Variants in SHROOM3 observed in about 807,000 individuals in gnomAD.
SHROOM3 encodes the protein shroom family member 3, also known as protein Shroom3.
Under a neutral mutation model 138.6 loss-of-function variants are expected in SHROOM3, and 47 were observed. That is an observed-to-expected ratio of 0.34 (90% CI 0.27 to 0.43). The LOEUF is 0.43. Among genes scored for constraint, SHROOM3 ranks in the 20% least tolerant of loss-of-function variants. The pLI is 1.00. For missense variants in SHROOM3, 2,491 were observed against 2,596.5 expected (o/e 0.96, Z 0.88); for synonymous variants, 1,062 against 1,063.3 (o/e 1.00, Z 0.02).
Position 76,568,669 on chromosome 4 carries a change from G to A in SHROOM3, c.323+12906G>A, listed in dbSNP as rs545333005. ...GGTCCCCAGGAGCCTGGCTTCAGGGGTGCTTCTTGTAGCAGGACCCACCCT... is the reference window on the plus strand; with the variant it reads ...GGTCCCCAGGAGCCTGGCTTCAGGGATGCTTCTTGTAGCAGGACCCACCCT... On this transcript the variant is annotated intron_variant, in intron 2 of 10. Transcript: ENST00000296043. Among the ~76,000 whole-genome samples the A allele has an allele frequency of 9.2e-5, 14 of 152,274 alleles. No individual in the cohort carries two copies. The East Asian group carries it at 2.7e-3, about 29-fold the overall frequency.
At position 76,730,907 on chromosome 4, in the gene SHROOM3, C is replaced by T. The variant is rs138916138; in HGVS notation, c.559C>T (p.Pro187Ser). 89 of 1,613,980 alleles carry T rather than the reference C, an allele frequency of 5.5e-5. No homozygotes were observed. The highest frequency in any genetic ancestry group is 7.3e-5 in the Non-Finnish European group (86 of 1,180,030). ...GCAGATATCTCAGGGTATGATCGGC[C>T]CTCCTTGGCACCAAAGCTACCATTC... Reference protein sequence around the residue: ...MMQISQGMIGPPWHQSYHSSS... With the variant: ...MMQISQGMIGSPWHQSYHSSS... The change falls in exon 4 of 11, where the codon CCT becomes TCT. Residue 187 changes from proline to serine, a missense_variant. Coordinates refer to ENST00000296043, the MANE Select transcript of SHROOM3 (RefSeq NM_020859.4).
chr4:76,534,525 T>G (rs1732909205), intron 1 of SHROOM3, among the ~76,000 whole-genome samples: 1 of 86,074 alleles, frequency 1.2e-5, no homozygotes, highest in Non-Finnish European at 2.3e-5. Context: ...CATTGACCAT[T>G]AAACATACAA....
chr4:76,775,738 ATAC>A (rs1473250926), intron 10 of SHROOM3, among the ~76,000 whole-genome samples: 1 of 151,356 alleles, frequency 6.6e-6, no homozygotes, highest in Admixed American at 6.6e-5. Flanking sequence ...ATATATACAC[ATAC>A]TATATATATA....
intron 8 of SHROOM3, among the ~76,000 whole-genome samples, chr4:76,759,098 A>C (rs543765219): frequency 6.6e-6 from 1 of 152,376 alleles, no homozygotes; most frequent in African/African-American, 2.4e-5. Flanking sequence ...AGTAGGCACT[A>C]GAAAGATTAC....
At chr4:76,683,898 T>A (rs933375391) in intron 2 of SHROOM3, among the ~76,000 whole-genome samples, 1 of 152,224 alleles carries the variant, frequency 6.6e-6, no homozygotes, top group Admixed American at 6.5e-5. Context: ...GATAAATTTT[T>A]ATTTATCTGC....
intron 1 of SHROOM3, among the ~76,000 whole-genome samples, chr4:76,527,121 G>C (rs1050017049): frequency 3.9e-5 from 6 of 152,096 alleles, no homozygotes; most frequent in Non-Finnish European, 8.8e-5. Flanking sequence ...GGGGCAGGCA[G>C]GGAAGGAAAA....
chr4:76,699,331 C>G (rs1719838756), intron 2 of SHROOM3, among the ~76,000 whole-genome samples: 1 of 152,184 alleles, frequency 6.6e-6, no homozygotes, highest in African/African-American at 2.4e-5. Flanking sequence ...GTACGCAGAT[C>G]ATGTTTTCTC....
At chr4:76,548,059 C>T (rs113713717) in intron 1 of SHROOM3, among the ~76,000 whole-genome samples, 2,089 of 149,370 alleles carry the variant, frequency 0.014, 53 homozygotes, top group African/African-American at 0.048. Context: ...GAAAGGCCCC[C>T]TCTGGAAGAC....
chr4:76,708,639 T>C (rs1577987353), intron 2 of SHROOM3, among the ~76,000 whole-genome samples: 1 of 152,326 alleles, frequency 6.6e-6, no homozygotes, highest in South Asian at 2.1e-4. Context: ...TATCTTTCAA[T>C]CTACTTTCTA....
At chr4:76,486,719 C>T (rs185929798) in intron 1 of SHROOM3, among the ~76,000 whole-genome samples, 49 of 152,192 alleles carry the variant, frequency 3.2e-4, no homozygotes, top group African/African-American at 8.2e-4. Context: ...AAAGGAATGA[C>T]GCTCTCTATG....
intron 2 of SHROOM3, among the ~76,000 whole-genome samples, chr4:76,660,597 T>C (rs1736163090): frequency 6.6e-6 from 1 of 152,098 alleles, no homozygotes; most frequent in African/African-American, 2.4e-5. Context: ...TGCCTCAGCC[T>C]CCTGAGTAGC....
chr4:76,547,197 G>A (rs897284661), intron 1 of SHROOM3, among the ~76,000 whole-genome samples: 8 of 152,194 alleles, frequency 5.3e-5, no homozygotes, highest in Non-Finnish European at 1.5e-5. Context: ...GATTAGGCAG[G>A]ACAAGTGAAG....
intron 5 of SHROOM3, among the ~76,000 whole-genome samples, chr4:76,742,712 A>C (rs982832875): frequency 4.6e-5 from 7 of 152,128 alleles, no homozygotes; most frequent in African/African-American, 1.7e-4. Flanking sequence ...TAATTTCCCT[A>C]ATTCTTAGCC....
chr4:76,489,634 G>A (rs368460669), intron 1 of SHROOM3, among the ~76,000 whole-genome samples: 3 of 152,148 alleles, frequency 2.0e-5, no homozygotes, highest in Non-Finnish European at 2.9e-5. Context: ...TCAGCAAGTC[G>A]AGGTTTTCCT....
chr4:76,507,688 G>C (rs953557567), intron 1 of SHROOM3, among the ~76,000 whole-genome samples: 3 of 151,794 alleles, frequency 2.0e-5, no homozygotes, highest in Admixed American at 6.6e-5. Context: ...ACAGGCGCCC[G>C]CCACCATGCC....
At chr4:76,751,264 A>C (rs546269868) in intron 6 of SHROOM3, among the ~76,000 whole-genome samples, 8 of 152,288 alleles carry the variant, frequency 5.3e-5, no homozygotes, top group African/African-American at 1.7e-4. Context: ...ATGTCAAAAT[A>C]ATTTGGAAGG....
In SHROOM3 at chr4:76,741,004, G is replaced by C. The variant is rs145035894; in HGVS notation, c.2831G>C (p.Arg944Pro). The C allele has an allele frequency of 6.7e-6, 10 of 1,487,740 alleles. No homozygotes were observed. Among genetic ancestry groups the C allele is most frequent in the African/African-American group, 1.4e-5 (1 of 70,760 alleles). 92.2% of individuals were successfully genotyped at this position (1,487,740 alleles called of 1,614,324 possible). The change falls in exon 5 of 11, where the codon CGA (arginine) becomes CCA (proline). Residue 944 changes from arginine to proline, a missense_variant. By Grantham distance (103) the Arg-to-Pro change is moderately radical. Around this residue, in one of 4 missense-constraint regions of SHROOM3, gnomAD observed 1,733 missense variants for 1,661.6 expected, o/e 1.04. Coordinates refer to ENST00000296043, the MANE Select transcript of SHROOM3 (RefSeq NM_020859.4). This position sits in a 1 kb window ranked among gnomAD's most constrained non-coding sequence, Gnocchi z 6.2. ...RVLGATSFRRRDLELGAPVAS... is the reference protein window; with the variant it reads ...RVLGATSFRRPDLELGAPVAS... ...TTGGGGGCCACCTCCTTTCGACGTC[G>C]AGACCTGGAGCTGGGGGCGCCCGTG...
rs1209560950 is a variant in SHROOM3, at chr4:76,628,249, A to C, written c.323+72486A>C. On this transcript the variant is annotated intron_variant, in intron 2 of 10. Transcript: ENST00000296043. ...TCTTACGTTAGAATGATATTTGGCT[A>C]CTTCTTTCACTATTAGCAAATTAAT... 2.0e-5 allele frequency among the ~76,000 whole-genome samples: 3 copies of C among 152,218 alleles called. No individual in the cohort carries two copies. The East Asian group carries it at 5.8e-4, about 29-fold the overall frequency.
In SHROOM3 at chr4:76,741,726, C is replaced by A; in HGVS notation, c.3553C>A (p.Arg1185Ser). ...TGGCCGCCGCCTCGGGGAACGGCGA[C>A]GCGGGGACCTGCTTAGCGGAGCAAA... ...AGGRRLGERR[R>S]GDLLSGANGG... Residue 1185 changes from arginine to serine, a missense_variant, in exon 5 of 11, where the codon CGC (arginine) becomes AGC (serine). Coordinates refer to ENST00000296043, the MANE Select transcript of SHROOM3 (RefSeq NM_020859.4). The surrounding 1 kb of genome is among the most constrained non-coding windows in gnomAD (Gnocchi z 6.2). 6.4e-7 allele frequency: 1 copy of A among 1,556,794 alleles called. No individual in the cohort carries two copies. The highest frequency in any genetic ancestry group is 8.7e-7 in the Non-Finnish European group (1 of 1,150,888).
Sources: allele counts gnomAD v4.1 joint callset (sites outside exome capture counted in the v4.1 genomes callset), GRCh38; gene constraint gnomAD v4.1.1; regional missense constraint gnomAD v4.1.1; non-coding constraint Gnocchi (gnomAD v3.1); transcripts MANE v1.5; gene names NCBI Gene and HGNC (gene_info 2026-07-23, HGNC 2026-07-21).